RALGAPA2: variants seen among roughly 807,000 people sequenced by gnomAD.
RALGAPA2 encodes the protein ral GTPase-activating protein subunit alpha-2.
RALGAPA2 carries 139 observed loss-of-function variants against 230.4 expected under a neutral mutation model. The observed-to-expected ratio is 0.60, with a 90% CI of 0.53 to 0.69. RALGAPA2 has a LOEUF of 0.69. Ranked by LOEUF, RALGAPA2 falls within the 30% of genes least tolerant of loss-of-function variation. RALGAPA2 has a pLI of 0.00. For synonymous variants in RALGAPA2, 847 were observed against 837.8 expected (o/e 1.01, Z -0.19); for missense variants, 2,163 against 2,276.0 (o/e 0.95, Z 1.01).
Position 20,512,831 on chromosome 20 carries a change from A to G in RALGAPA2, c.4538T>C (p.Val1513Ala), listed in dbSNP as rs1313228931. The G allele has an allele frequency of 6.2e-7, 1 of 1,613,470 alleles. No individual in the cohort carries two copies. The highest frequency in any genetic ancestry group is 8.5e-7 in the Non-Finnish European group (1 of 1,179,440). ...GTCAAGAACATCATCCCCCTCCTCAACTTGAGAAGAGTCTTTCTGAGGTCC... is the reference window on the plus strand; with the variant it reads ...GTCAAGAACATCATCCCCCTCCTCAGCTTGAGAAGAGTCTTTCTGAGGTCC... ...TFGPQKDSSQ[V>A]EEGDDVLDKL... is the part of the protein sequence containing the mutation. Residue 1513 changes from valine to alanine, a missense_variant, in exon 32 of 40, where the codon GTT (valine) becomes GCT (alanine). Val to Ala is a moderately conservative substitution (Grantham distance 64). Transcript: ENST00000202677.
chr20:20,498,483 C>T (rs1473041507), intron 35 of RALGAPA2, among the ~76,000 whole-genome samples: 3 of 152,230 alleles, frequency 2.0e-5, no homozygotes, highest in Non-Finnish European at 4.4e-5. Flanking sequence ...TCATGGTACA[C>T]ACCTAATAGG....
At chr20:20,575,213 A>G (rs1255284815) in intron 20 of RALGAPA2, among the ~76,000 whole-genome samples, 1 of 152,110 alleles carries the variant, frequency 6.6e-6, no homozygotes, top group East Asian at 1.9e-4. Flanking sequence ...AATGCCATCC[A>G]TATACTCACA....
At chr20:20,545,417 C>G (rs2063754092) in intron 24 of RALGAPA2, among the ~76,000 whole-genome samples, 1 of 152,078 alleles carries the variant, frequency 6.6e-6, no homozygotes, top group Non-Finnish European at 1.5e-5. Flanking sequence ...CTTTTCACTT[C>G]TCTTTGTTTT....
intron 31 of RALGAPA2, among the ~76,000 whole-genome samples, chr20:20,518,370 A>G (rs934142375): frequency 6.6e-6 from 1 of 152,168 alleles, no homozygotes; most frequent in Non-Finnish European, 1.5e-5. Flanking sequence ...GACCAGAGAT[A>G]GTTTTGTTAT....
intron 24 of RALGAPA2, among the ~76,000 whole-genome samples, chr20:20,537,759 T>TA (rs2063536069): frequency 6.6e-6 from 1 of 152,212 alleles, no homozygotes; most frequent in Non-Finnish European, 1.5e-5. Flanking sequence ...TGTCTACTAT[T>TA]ATGTAATAAA....
rs371611359 is a variant in RALGAPA2, at chr20:20,676,945, T to C, written c.218-657A>G. ...AAATCAGCCACAGACAATACATAAA[T>C]AATGGATATGGCTTGTCCAATAAAA... On this transcript the variant is annotated intron_variant, in intron 2 of 39. Transcript: ENST00000202677. 8.5e-5 allele frequency among the ~76,000 whole-genome samples: 13 copies of C among 152,306 alleles called. No individual in the cohort carries two copies. The South Asian group carries it at 2.5e-3, about 29-fold the overall frequency.
At chr20:20,626,644 T>C (rs1055950126) in intron 10 of RALGAPA2, among the ~76,000 whole-genome samples, 1 of 152,238 alleles carries the variant, frequency 6.6e-6, no homozygotes, top group Non-Finnish European at 1.5e-5. Context: ...CACAACAATA[T>C]AGCATTTATC....
chr20:20,524,642 C>CTAG (rs2145484835), intron 29 of RALGAPA2, 99 bp from the exon 30 acceptor site: 1 of 1,477,710 alleles, frequency 6.8e-7, no homozygotes, highest in East Asian at 2.3e-5. Context: ...ATTCAGTGGA[C>CTAG]ATGCAGGTGC....
intron 37 of RALGAPA2, among the ~76,000 whole-genome samples, chr20:20,435,692 A>G (rs6132299): frequency 0.016 from 2,441 of 152,268 alleles, 92 homozygotes; most frequent in East Asian, 0.15. Context: ...TTTAGCAAAG[A>G]AGGAGGCAGG....
intron 1 of RALGAPA2, among the ~76,000 whole-genome samples, chr20:20,692,316 A>C (rs553215654): frequency 6.6e-6 from 1 of 152,304 alleles, no homozygotes; most frequent in Non-Finnish European, 1.5e-5. Flanking sequence ...ATATTCAAAA[A>C]TTTATCATAA....
At chr20:20,673,945 C>T (rs1452870756) in intron 3 of RALGAPA2, among the ~76,000 whole-genome samples, 1 of 152,102 alleles carries the variant, frequency 6.6e-6, no homozygotes. Context: ...CCCACAACTT[C>T]AGGAGGCCAA....
Position 20,712,603 on chromosome 20 carries a change from T to TACCGCCGCC in RALGAPA2, c.-124_-123insGGCGGCGGT. The stretch of plus-strand genomic sequence containing the variant: ...CACTCGCCGCCCCCAGCCCCGCTGC[T>TACCGCCGCC]GCCGCCGCCGCCGCCGCCGCCGCCG... On this transcript the variant is annotated 5_prime_UTR_variant, in exon 1 of 40. Coordinates refer to ENST00000202677, the MANE Select transcript of RALGAPA2 (RefSeq NM_020343.4). The surrounding 1 kb of genome is among the most constrained non-coding windows in gnomAD (Gnocchi z 5.5). 3 of 1,179,240 alleles carry TACCGCCGCC rather than the reference T, an allele frequency of 2.5e-6. No individual in the cohort carries two copies. The highest frequency in any genetic ancestry group is 1.1e-6 in the Non-Finnish European group (1 of 944,326). The allele number at this position is 1,179,240 out of a possible 1,614,324, so 73.0% of individuals were successfully genotyped here.
chr20:20,426,260 T>C (rs1345390933), intron 37 of RALGAPA2, among the ~76,000 whole-genome samples: 1 of 152,146 alleles, frequency 6.6e-6, no homozygotes, highest in East Asian at 1.9e-4. Context: ...ACTTACATAG[T>C]GTGGTTTGAA....
At chr20:20,503,245 A>G in intron 35 of RALGAPA2, 106 bp downstream of exon 35, 1 of 1,121,000 alleles carries the variant, frequency 8.9e-7, no homozygotes, top group Non-Finnish European at 1.2e-6. Context: ...CGTAGAGTTC[A>G]GAGAAACCAT....
chr20:20,446,622 T>C (rs1432322387), intron 37 of RALGAPA2, among the ~76,000 whole-genome samples: 6 of 152,218 alleles, frequency 3.9e-5, no homozygotes, highest in Admixed American at 3.9e-4. Context: ...TGAATGACAC[T>C]GCACTGCTCA....
At chr20:20,668,941 G>A (rs904237863) in intron 3 of RALGAPA2, among the ~76,000 whole-genome samples, 1 of 152,126 alleles carries the variant, frequency 6.6e-6, no homozygotes, top group African/African-American at 2.4e-5. Context: ...GACCAGCCTG[G>A]GCCACACTTT....
At chr20:20,630,330 G>A (rs1256762237) in intron 9 of RALGAPA2, among the ~76,000 whole-genome samples, 1 of 152,162 alleles carries the variant, frequency 6.6e-6, no homozygotes, top group Non-Finnish European at 1.5e-5. Context: ...ACTTTTAAGT[G>A]TCAAAAATAT....
intron 3 of RALGAPA2, 126 bp downstream of exon 3, chr20:20,676,110 G>A (rs1228331610): frequency 9.6e-6 from 6 of 623,928 alleles, no homozygotes; most frequent in East Asian, 8.9e-5. Flanking sequence ...TGGGAGGAAG[G>A]AAGGAAAGAA....
At chr20:20,645,540 A>G (rs1490768705) in intron 4 of RALGAPA2, among the ~76,000 whole-genome samples, 1 of 152,204 alleles carries the variant, frequency 6.6e-6, no homozygotes, top group East Asian at 1.9e-4. Flanking sequence ...CATGACCCAT[A>G]TTGGTCAATG....
Sources: gnomAD v4.1 joint callset for allele counts (sites outside exome capture counted in the v4.1 genomes callset) on GRCh38, gnomAD v4.1.1 for gene constraint, Gnocchi (gnomAD v3.1) non-coding constraint, MANE v1.5 for transcripts, NCBI Gene and HGNC (gene_info 2026-07-23, HGNC 2026-07-21) for gene names.